NPRL3: variants seen among roughly 807,000 people sequenced by gnomAD.
NPRL3 encodes the protein GATOR1 complex protein NPRL3.
NPRL3 carries 23 observed loss-of-function variants against 57.2 expected under a neutral mutation model. That is an observed-to-expected ratio of 0.40 (90% CI 0.29 to 0.57). The LOEUF (loss-of-function observed/expected upper bound fraction) is 0.57. Among genes scored for constraint, NPRL3 ranks in the 20% least tolerant of loss-of-function variants. The pLI, the probability that NPRL3 is intolerant of heterozygous loss-of-function variation, is 0.42. For missense variants in NPRL3, 691 were observed against 767.1 expected, an observed-to-expected ratio of 0.90 and a Z score of 1.17; for synonymous variants, 333 against 321.1, an observed-to-expected ratio of 1.04 and a Z score of -0.39.
intron 2 of NPRL3, among the ~76,000 whole-genome samples, chr16:134,581 A>C (rs1900965056): frequency 1.3e-5 from 2 of 152,156 alleles, no homozygotes; most frequent in South Asian, 2.1e-4. Context: ...CTTGATGCGA[A>C]AGTTTACAGG....
At chr16:107,097 C>A (rs1899564259) in intron 7 of NPRL3, among the ~76,000 whole-genome samples, 1 of 152,168 alleles carries the variant, frequency 6.6e-6, no homozygotes. Flanking sequence ...GAAATGTGAT[C>A]CTGGGCACTA....
intron 9 of NPRL3, among the ~76,000 whole-genome samples, chr16:95,348 T>TACACACACACACAC (rs769252741): frequency 2.2e-5 from 1 of 45,018 alleles, no homozygotes; most frequent in African/African-American, 4.9e-5. Context: ...TATATATATA[T>TACACACACACACAC]ATACACACAC....
intron 8 of NPRL3, 55 bp downstream of exon 8, chr16:100,317 G>A: frequency 7.1e-7 from 1 of 1,407,864 alleles, no homozygotes; most frequent in Non-Finnish European, 9.3e-7. Flanking sequence ...ATCTCAGGCA[G>A]AAGCTAAAGG....
intron 3 of NPRL3, among the ~76,000 whole-genome samples, chr16:121,453 G>A (rs542252956): frequency 3.3e-5 from 5 of 152,042 alleles, no homozygotes; most frequent in East Asian, 2.0e-4. Context: ...TGAAACCCCC[G>A]TCTCTACTAA....
In NPRL3 at chr16:138,623, C is replaced by G. The variant is rs1188254236; in HGVS notation, c.-68+19G>C. On this transcript the variant is annotated intron_variant, in intron 1 of 13. Transcript: ENST00000611875. ...GACAGGGGTGGTGGTGGACGCGGAG[C>G]AGCGCCACAGTTACCAACCCACGTG... The G allele has an allele frequency of 4.8e-6, 1 of 209,774 alleles. No homozygotes were observed. Among genetic ancestry groups the G allele is most frequent in the Non-Finnish European group, 9.8e-6 (1 of 102,278 alleles). The allele number at this position is 209,774 out of a possible 1,614,324, so 13.0% of individuals were successfully genotyped here. A position where few individuals can be genotyped will look rare whatever the true frequency, so the allele number is the denominator to read the frequency against.
chr16:136,597 C>T (rs1901092759), intron 2 of NPRL3, among the ~76,000 whole-genome samples: 2 of 150,004 alleles, frequency 1.3e-5, no homozygotes, highest in African/African-American at 4.9e-5. Context: ...GAGGCTGAGG[C>T]AGGAGAATTG....
intron 5 of NPRL3, among the ~76,000 whole-genome samples, chr16:114,937 T>C (rs536382328): frequency 4.0e-5 from 6 of 151,780 alleles, no homozygotes; most frequent in African/African-American, 1.2e-4. Flanking sequence ...CTCTCTCTAT[T>C]TCAGGGTTTA....
In NPRL3 at chr16:86,386, C is replaced by A; in HGVS notation, c.*319G>T. On this transcript the variant is annotated 3_prime_UTR_variant, in exon 14 of 14. Coordinates refer to ENST00000611875, the MANE Select transcript of NPRL3 (RefSeq NM_001077350.3). ...AGGAGGGTCTGAGAAACGCACAGCC[C>A]ACATGGGCCTTGAAGGATGCGGCCT... 1 of 344,434 alleles carries A rather than the reference C, an allele frequency of 2.9e-6. No homozygotes were observed. Among genetic ancestry groups the A allele is most frequent in the Non-Finnish European group, 5.5e-6 (1 of 182,830 alleles). The allele number at this position is 344,434 out of a possible 1,614,324, so 21.3% of individuals were successfully genotyped here.
At chr16:130,484 G>A (rs1443093426) in intron 3 of NPRL3, 38 bp downstream of exon 3, 10 of 1,538,436 alleles carry the variant, frequency 6.5e-6, no homozygotes, top group Non-Finnish European at 8.8e-6. Context: ...CCTGGGACCA[G>A]GACACGCCCC....
intron 2 of NPRL3, among the ~76,000 whole-genome samples, chr16:137,287 T>C (rs1000686486): frequency 3.3e-5 from 5 of 152,186 alleles, no homozygotes; most frequent in African/African-American, 9.7e-5. Flanking sequence ...GTAACCTACA[T>C]GCCGTCCACA....
rs2141907691 is a variant in NPRL3 at position 92,607 on chromosome 16, CG to C, written c.1149del (p.Ala384LeufsTer29). ...SLSEFRNPLA[P>X]AVQETQLIQM... is the part of the protein sequence containing the mutation. ...CTTCTGTGACTCACCTCCTGCACAG[CG>C]GGGGCCAGGGGATTCCTAAATTCTG... On this transcript the variant is annotated frameshift_variant, in exon 11 of 14. Coordinates refer to ENST00000611875, the MANE Select transcript of NPRL3 (RefSeq NM_001077350.3). LOFTEE classifies it high-confidence loss of function. 6.2e-7 allele frequency: 1 copy of C among 1,613,236 alleles called. No individual in the cohort carries two copies.
chr16:108,861 C>T (rs527457777), intron 7 of NPRL3, among the ~76,000 whole-genome samples: 1 of 151,044 alleles, frequency 6.6e-6, no homozygotes, highest in Non-Finnish European at 1.5e-5. Context: ...TAGTAGACAG[C>T]GGGTTTCACC....
rs750482582 is a variant in NPRL3 at position 88,815 on chromosome 16, G to A, written c.1427C>T (p.Ser476Leu). The change falls in exon 13 of 14, where the codon TCG becomes TTG. Residue 476 changes from serine (S) to leucine (L), a missense_variant. Ser to Leu is a moderately radical substitution (Grantham distance 145). Coordinates refer to ENST00000611875, the MANE Select transcript of NPRL3 (RefSeq NM_001077350.3). ...CTCCGTCATCCTCTGGTTCAGTGGC[G>A]AGTCCCCGCTGGGAAGTAGCTCTGC... ...SSAELLPSGD[S>L]PLNQRMTENL... 42 of 1,613,690 alleles carry A rather than the reference G, an allele frequency of 2.6e-5. No homozygotes were observed. The highest frequency in any genetic ancestry group is 3.1e-5 in the Non-Finnish European group (36 of 1,179,854).
intron 3 of NPRL3, among the ~76,000 whole-genome samples, chr16:130,205 C>T (rs934768803): frequency 6.6e-6 from 1 of 152,194 alleles, no homozygotes; most frequent in African/African-American, 2.4e-5. Context: ...CCAAAGACAA[C>T]AACATAGGGG....
At chr16:98,610 G>A (rs990276685) in intron 8 of NPRL3, among the ~76,000 whole-genome samples, 5 of 152,226 alleles carry the variant, frequency 3.3e-5, no homozygotes, top group African/African-American at 4.8e-5. Context: ...GGCCAAGAGC[G>A]GGATTTGAGA....
intron 3 of NPRL3, 64 bp from the exon 4 acceptor site, chr16:119,319 T>C: frequency 1.3e-6 from 2 of 1,513,718 alleles, no homozygotes; most frequent in Non-Finnish European, 1.8e-6. Context: ...CATGCCCTGC[T>C]GGCCCCAGAG....
At chr16:108,929 C>T (rs773263673) in intron 7 of NPRL3, among the ~76,000 whole-genome samples, 2 of 150,534 alleles carry the variant, frequency 1.3e-5, no homozygotes, top group Non-Finnish European at 3.0e-5. Context: ...CTCAGCCTGG[C>T]AAAGTGTTGG....
intron 7 of NPRL3, among the ~76,000 whole-genome samples, chr16:104,248 G>A (rs1288609848): frequency 2.6e-5 from 4 of 152,052 alleles, no homozygotes; most frequent in African/African-American, 4.8e-5. Flanking sequence ...AGCCGAGATC[G>A]CGCCATTGCA....
At chr16:113,290 G>A (rs756306683) in intron 5 of NPRL3, among the ~76,000 whole-genome samples, 2 of 152,198 alleles carry the variant, frequency 1.3e-5, no homozygotes, top group Non-Finnish European at 2.9e-5. Context: ...GGGATGCACG[G>A]TACAAAAAGA....
Sources: gnomAD v4.1 joint callset for allele counts (sites outside exome capture counted in the v4.1 genomes callset) on GRCh38, gnomAD v4.1.1 for gene constraint, MANE v1.5 for transcripts, NCBI Gene and HGNC (gene_info 2026-07-23, HGNC 2026-07-21) for gene names.